The following MSRA variants were observed in gnomAD, a reference collection of about 807,000 sequenced individuals.
MSRA encodes the protein mitochondrial peptide methionine sulfoxide reductase.
In MSRA, 54 loss-of-function variants were observed where a neutral mutation model predicts 31.3. The ratio of observed to expected loss-of-function variants is 1.73; its 90% CI spans 1.39 to 2.17. The LOEUF is 2.17. Ranked by LOEUF, MSRA falls within the 30% of genes most tolerant of loss-of-function variation. MSRA has a pLI of 0.00. For synonymous variants in MSRA, 169 were observed against 116.5 expected, an observed-to-expected ratio of 1.45 and a Z score of -2.90; for missense variants, 507 against 300.9, an observed-to-expected ratio of 1.69 and a Z score of -5.07.
intron 2 of MSRA, among the ~76,000 whole-genome samples, chr8:10,212,367 A>C (rs1002161245): frequency 6.6e-6 from 1 of 152,202 alleles, no homozygotes; most frequent in Non-Finnish European, 1.5e-5. Context: ...GAGGTTGTAT[A>C]TTATAACGTA....
At chr8:10,196,119 C>T (rs1456746791) in intron 1 of MSRA, among the ~76,000 whole-genome samples, 5 of 152,200 alleles carry the variant, frequency 3.3e-5, no homozygotes, top group African/African-American at 1.2e-4. Flanking sequence ...GACAGTGCCC[C>T]TTGCAACCTC....
chr8:10,199,126 A>T (rs1378859974), intron 1 of MSRA, among the ~76,000 whole-genome samples: 1 of 152,118 alleles, frequency 6.6e-6, no homozygotes, highest in Non-Finnish European at 1.5e-5. Context: ...TTGCAGAATC[A>T]TGGATGCCTG....
intron 1 of MSRA, among the ~76,000 whole-genome samples, chr8:10,115,537 AT>A (rs1223351981): frequency 1.3e-5 from 2 of 152,208 alleles, no homozygotes; most frequent in African/African-American, 2.4e-5. Flanking sequence ...TAAGACCCAG[AT>A]TTGTGGTAAT....
intron 5 of MSRA, among the ~76,000 whole-genome samples, chr8:10,413,712 A>T (rs1274102705): frequency 2.0e-5 from 3 of 151,414 alleles, no homozygotes; most frequent in South Asian, 2.1e-4. Flanking sequence ...ATAACTTTTT[A>T]AAAAATCGCC....
intron 1 of MSRA, among the ~76,000 whole-genome samples, chr8:10,118,907 G>A (rs1187072173): frequency 6.6e-6 from 1 of 152,284 alleles, no homozygotes; most frequent in Non-Finnish European, 1.5e-5. Context: ...ATGGGAATGT[G>A]GAATATGGGA....
At chr8:10,090,151 A>C (rs7832431) in intron 1 of MSRA, among the ~76,000 whole-genome samples, 80,382 of 152,028 alleles carry the variant, frequency 0.53, 23,188 homozygotes, top group Middle Eastern at 0.67. Context: ...CTTAATGCAG[A>C]GGGGGCTGGC....
At chr8:10,095,791 A>C (rs1435700254) in intron 1 of MSRA, 1 of 1,201,046 alleles carries the variant, frequency 8.3e-7, no homozygotes, top group Non-Finnish European at 1.0e-6. Context: ...AATGACGTTT[A>C]GTCACCAGTA....
intron 1 of MSRA, among the ~76,000 whole-genome samples, chr8:10,144,175 C>T (rs1184602757): frequency 2.6e-5 from 4 of 152,026 alleles, no homozygotes; most frequent in South Asian, 2.1e-4. Flanking sequence ...GGTGAAGTCT[C>T]GTGGTGCCAT....
intron 4 of MSRA, among the ~76,000 whole-genome samples, chr8:10,318,826 T>A (rs1801874652): frequency 6.6e-6 from 1 of 152,136 alleles, no homozygotes; most frequent in African/African-American, 2.4e-5. Context: ...ACCATGCTCA[T>A]CCTCTTGAGA....
At chr8:10,276,653 G>A (rs1585340853) in intron 3 of MSRA, among the ~76,000 whole-genome samples, 1 of 152,216 alleles carries the variant, frequency 6.6e-6, no homozygotes, top group Non-Finnish European at 1.5e-5. Context: ...ATGCGTGTCT[G>A]CAAGACAACA....
At chr8:10,192,984 C>G (rs911424548) in intron 1 of MSRA, among the ~76,000 whole-genome samples, 1 of 152,172 alleles carries the variant, frequency 6.6e-6, no homozygotes, top group East Asian at 1.9e-4. Flanking sequence ...GAAACCTTCT[C>G]AACAATAGTT....
chr8:10,236,620 C>T lies in MSRA; in HGVS notation c.212-8484C>T, dbSNP rs554716921. Among the ~76,000 whole-genome samples, 271 of 152,318 alleles carry T rather than the reference C, an allele frequency of 1.8e-3. 1 individual carries two copies. Among genetic ancestry groups the T allele is most frequent in the Non-Finnish European group, 2.9e-3 (194 of 68,028 alleles). On this transcript the variant is annotated intron_variant, in intron 2 of 5. Transcript: ENST00000317173. ...AGTGCAGTGGTGGAATCTCAGCTCGCTGCAACCTCTGCCTCCTGAGTTCAA... is the reference window on the plus strand; with the variant it reads ...AGTGCAGTGGTGGAATCTCAGCTCGTTGCAACCTCTGCCTCCTGAGTTCAA...
intron 1 of MSRA, among the ~76,000 whole-genome samples, chr8:10,165,396 A>C (rs1010920750): frequency 6.6e-6 from 1 of 152,242 alleles, no homozygotes; most frequent in South Asian, 2.1e-4. Flanking sequence ...GTTTCCGATT[A>C]AAAACCCAAG....
intron 1 of MSRA, among the ~76,000 whole-genome samples, chr8:10,106,195 A>T (rs751918167): frequency 6.6e-6 from 1 of 152,184 alleles, no homozygotes; most frequent in Non-Finnish European, 1.5e-5. Flanking sequence ...ACCTTGAGGT[A>T]TGGTTCTCAC....
intron 3 of MSRA, among the ~76,000 whole-genome samples, chr8:10,300,113 G>C (rs1044848131): frequency 2.9e-5 from 4 of 138,464 alleles, no homozygotes; most frequent in Non-Finnish European, 4.6e-5. Flanking sequence ...AATGAATGCA[G>C]TGGAAGAAAT....
At chr8:10,290,614 T>G (rs1800181716) in intron 3 of MSRA, among the ~76,000 whole-genome samples, 2 of 151,772 alleles carry the variant, frequency 1.3e-5, no homozygotes, top group Admixed American at 6.6e-5. Context: ...ATTGGTGGGG[T>G]GGAGGGGGAG....
intron 1 of MSRA, among the ~76,000 whole-genome samples, chr8:10,191,086 C>T (rs1422292678): frequency 1.3e-5 from 2 of 152,344 alleles, no homozygotes; most frequent in South Asian, 2.1e-4. Flanking sequence ...GTCCTATAAC[C>T]TTAAGCTGCT....
intron 1 of MSRA, among the ~76,000 whole-genome samples, chr8:10,157,379 A>G (rs138022318): frequency 6.8e-4 from 103 of 152,288 alleles, no homozygotes; most frequent in Non-Finnish European, 1.4e-3. Context: ...GTCTTATCAA[A>G]TATAATCATT....
At chr8:10,292,060 G>A (rs551141354) in intron 3 of MSRA, among the ~76,000 whole-genome samples, 2 of 152,322 alleles carry the variant, frequency 1.3e-5, no homozygotes, top group South Asian at 4.1e-4. Context: ...ATACAGTAAA[G>A]TATTCTAGTC....
Sources: allele counts gnomAD v4.1 joint callset (sites outside exome capture counted in the v4.1 genomes callset), GRCh38; gene constraint gnomAD v4.1.1; transcripts MANE v1.5; gene names NCBI Gene and HGNC (gene_info 2026-07-23, HGNC 2026-07-21).